ATG16L2: variants seen among roughly 807,000 people sequenced by gnomAD.
ATG16L2 encodes protein Atg16l2.
A neutral mutation model predicts 84.7 loss-of-function variants in ATG16L2; 77 were observed. The observed-to-expected ratio is 0.91, with a 90% CI of 0.76 to 1.10. The LOEUF is 1.10. Among genes scored for constraint, ATG16L2 ranks in the 50% least tolerant of loss-of-function variants. The pLI, the probability that ATG16L2 is intolerant of heterozygous loss-of-function variation, is 0.00. For synonymous variants in ATG16L2, 361 were observed against 342.8 expected (o/e 1.05, Z -0.59); for missense variants, 782 against 817.6 (o/e 0.96, Z 0.53).
chr11:72,824,864 A>C, intron 9 of ATG16L2, 22 bp downstream of exon 9: 2 of 1,560,316 alleles, frequency 1.3e-6, no homozygotes, highest in Non-Finnish European at 1.7e-6. Flanking sequence ...GCTGAGCCAC[A>C]TGGGTGGGGC....
At chr11:72,826,095 T>C (rs1860332527) in intron 10 of ATG16L2, 78 bp from the exon 11 acceptor site, 3 of 1,243,408 alleles carry the variant, frequency 2.4e-6, no homozygotes, top group African/African-American at 1.5e-5. Flanking sequence ...GGAACTGATC[T>C]TCCGCTCTCA....
At chr11:72,839,783 G>A (rs928034027) in intron 5 of ATG16L2, among the ~76,000 whole-genome samples, 6 of 152,140 alleles carry the variant, frequency 3.9e-5, no homozygotes, top group Non-Finnish European at 7.3e-5. Context: ...AGAAGAGATC[G>A]GATTGGCAGT....
intron 3 of ATG16L2, among the ~76,000 whole-genome samples, chr11:72,819,271 C>G (rs780105120): frequency 2.0e-5 from 3 of 152,176 alleles, no homozygotes; most frequent in Non-Finnish European, 2.9e-5. Flanking sequence ...TTGACTCTAT[C>G]TCCAAATCCA....
At chr11:72,823,193 G>T (rs1860117979) in intron 7 of ATG16L2, 1 of 462,286 alleles carries the variant, frequency 2.2e-6, no homozygotes, top group Non-Finnish European at 3.9e-6. Context: ...CTCCTTCTTG[G>T]GATCAGAGCT....
chr11:72,826,060 T>C, intron 10 of ATG16L2, 113 bp from the exon 11 acceptor site: 1 of 838,792 alleles, frequency 1.2e-6, no homozygotes, highest in Non-Finnish European at 1.9e-6. Context: ...TCTTCTAACC[T>C]GGGGATGTGT....
At chr11:72,830,498 T>C (rs934084355), downstream of ATG16L2, among the ~76,000 whole-genome samples, 9 of 152,142 alleles carry the variant, frequency 5.9e-5, no homozygotes, top group Admixed American at 5.2e-4. Flanking sequence ...GTTGTTGTTG[T>C]TGTTGCTTTT....
intron 7 of ATG16L2, 52 bp from the exon 8 acceptor site, chr11:72,824,008 T>C (rs1860176608): frequency 1.2e-6 from 2 of 1,600,090 alleles, no homozygotes; most frequent in Non-Finnish European, 1.7e-6. Flanking sequence ...GGACAGCCAT[T>C]TGTACACACA....
At chr11:72,842,905 C>G (rs1276644463) in exon 6 of ATG16L2, 1 of 1,257,086 alleles carries the variant, frequency 8.0e-7, no homozygotes, top group African/African-American at 1.5e-5. Context: ...TTGCAACCAC[C>G]CCTATGCTCA....
intron 1 of ATG16L2, 105 bp downstream of exon 1, chr11:72,814,668 GC>G: frequency 1.1e-6 from 1 of 884,540 alleles, no homozygotes. Context: ...AGTGCGCTGT[GC>G]CTTATGCCTT....
chr11:72,824,478 A>G (rs1180363800), intron 8 of ATG16L2: 2 of 560,276 alleles, frequency 3.6e-6, no homozygotes, highest in African/African-American at 3.8e-5. Flanking sequence ...TGGGATTGAA[A>G]CCCCGGCCCT....
chr11:72,829,253 C>T (rs1860538987), intron 17 of ATG16L2, 50 bp from the exon 18 acceptor site: 2 of 1,587,566 alleles, frequency 1.3e-6, no homozygotes. Context: ...AGCCAGGTTG[C>T]AGGCGCAGTT....
Position 72,822,422 on chromosome 11 carries a change from C to A in ATG16L2, c.645-56C>A. ...CCTGGAGGAAGGGACCGGGTCTAGC[C>A]CCGCCTGCGTGCGAGGCGCCGCGCC... On this transcript the variant is annotated intron_variant, in intron 5 of 17. Coordinates refer to ENST00000321297, the MANE Select transcript of ATG16L2 (RefSeq NM_033388.2). This position sits in a 1 kb window ranked among gnomAD's most constrained non-coding sequence, Gnocchi z 4.2. 6.2e-7 allele frequency: 1 copy of A among 1,610,358 alleles called. No individual in the cohort carries two copies. The highest frequency in any genetic ancestry group is 8.5e-7 in the Non-Finnish European group (1 of 1,178,272).
intron 7 of ATG16L2, chr11:72,823,292 T>A: frequency 2.9e-6 from 1 of 339,630 alleles, no homozygotes; most frequent in South Asian, 2.8e-5. Flanking sequence ...CAGGCATGTG[T>A]GCGCAGCCAT....
intron 5 of ATG16L2, chr11:72,841,427 TAG>T (rs770617200): frequency 3.1e-6 from 5 of 1,607,988 alleles, no homozygotes; most frequent in Non-Finnish European, 4.2e-6. Context: ...AAAATGCATT[TAG>T]ACCCATGCCC....
intron 4 of ATG16L2, 99 bp from the exon 5 acceptor site, chr11:72,821,945 G>C: frequency 1.4e-6 from 2 of 1,430,218 alleles, no homozygotes; most frequent in South Asian, 3.0e-5. Flanking sequence ...GGCTAGCCGC[G>C]TTTGGCATGG....
At chr11:72,842,635 T>A in exon 6 of ATG16L2, 1 of 1,614,006 alleles carries the variant, frequency 6.2e-7, no homozygotes, top group South Asian at 1.1e-5. Flanking sequence ...ATCTCTCTCA[T>A]CCATGGAGTG....
At chr11:72,826,332 C>A (rs1860352524) in intron 11 of ATG16L2, 89 bp downstream of exon 11, 1 of 1,471,956 alleles carries the variant, frequency 6.8e-7, no homozygotes, top group Admixed American at 1.9e-5. Context: ...GAGGGCGCAA[C>A]ATGGATACCC....
chr11:72,829,046 T>C, intron 17 of ATG16L2, 62 bp downstream of exon 17: 1 of 1,539,348 alleles, frequency 6.5e-7, no homozygotes, highest in Admixed American at 1.7e-5. Flanking sequence ...GATTCCAGGT[T>C]CTGACATACT....
At chr11:72,842,553 T>A in intron 5 of ATG16L2, 3 of 1,591,330 alleles carry the variant, frequency 1.9e-6, no homozygotes, top group Non-Finnish European at 2.6e-6. Flanking sequence ...TTTGTGTGGA[T>A]CCACAGACCC....
Sources: allele counts gnomAD v4.1 joint callset (sites outside exome capture counted in the v4.1 genomes callset), GRCh38; gene constraint gnomAD v4.1.1; non-coding constraint Gnocchi (gnomAD v3.1); transcripts MANE v1.5; gene names NCBI Gene and HGNC (gene_info 2026-07-23, HGNC 2026-07-21).